TP63: variants seen among roughly 807,000 people sequenced by gnomAD.
The protein encoded by TP63 is tumor protein p63, also known as tumor protein 63.
TP63 carries 17 observed loss-of-function variants against 82.8 expected under a neutral mutation model. The observed-to-expected ratio is 0.21, with a 90% CI of 0.14 to 0.31. The LOEUF is 0.31. Among genes scored for constraint, TP63 ranks in the 10% least tolerant of loss-of-function variants. The pLI is 1.00. For synonymous variants in TP63, 330 were observed against 321.7 expected, an observed-to-expected ratio of 1.03 and a Z score of -0.28; for missense variants, 648 against 895.3, an observed-to-expected ratio of 0.72 and a Z score of 3.52.
At chr3:189,737,992 T>C in intron 2 of TP63, 124 bp downstream of exon 2, 1 of 1,139,370 alleles carries the variant, frequency 8.8e-7, no homozygotes, top group South Asian at 1.4e-5. Flanking sequence ...GAAAAGTTAA[T>C]GACTCCAATG....
At chr3:189,761,056 C>T (rs972552932) in intron 3 of TP63, among the ~76,000 whole-genome samples, 9 of 152,162 alleles carry the variant, frequency 5.9e-5, no homozygotes, top group South Asian at 2.1e-4. Flanking sequence ...CTGGGCTTGC[C>T]TATGAAAGCA....
intron 1 of TP63, among the ~76,000 whole-genome samples, chr3:189,708,933 A>G (rs533894411): frequency 6.6e-6 from 1 of 152,292 alleles, no homozygotes; most frequent in East Asian, 1.9e-4. Flanking sequence ...AAGAAATTTT[A>G]GAGTGTCAGT....
intron 13 of TP63, among the ~76,000 whole-genome samples, chr3:189,892,801 TAAAA>T (rs1456039000): frequency 6.6e-6 from 1 of 152,026 alleles, no homozygotes; most frequent in Non-Finnish European, 1.5e-5. Flanking sequence ...CAAAAAATAA[TAAAA>T]AAAGCTATGC....
In TP63 at chr3:189,648,591, A is replaced by G. The variant is rs1712617226; in HGVS notation, c.62+17014A>G. On this transcript the variant is annotated intron_variant, in intron 1 of 13. Transcript: ENST00000264731. ...AAATGAGTGAAAAACAAGCTTATTG[A>G]AAAAAAGAAACTTTTCTCTCTCATT... is the stretch of plus-strand genomic sequence containing the variant. 1.4e-5 allele frequency among the ~76,000 whole-genome samples: 2 copies of G among 147,450 alleles called. 1 individual carries two copies. The highest frequency in any genetic ancestry group is 4.4e-4 in the South Asian group (2 of 4,522).
chr3:189,741,591 A>G (rs1282750402), intron 3 of TP63, among the ~76,000 whole-genome samples: 1 of 152,258 alleles, frequency 6.6e-6, no homozygotes, highest in Admixed American at 6.5e-5. Context: ...TAAGGATTGT[A>G]GCCAAGCATT....
intron 1 of TP63, among the ~76,000 whole-genome samples, chr3:189,717,023 CCCAACCTCAGGTGATCTGCCCGCCTTGGG>C (rs1376306740): frequency 1.3e-5 from 2 of 152,162 alleles, no homozygotes; most frequent in Non-Finnish European, 2.9e-5. Flanking sequence ...GTCTAGAACT[CCCAACCTCAGGTGATCTGCCCGCCTTGGG>C]CTCCCAAAGT....
intron 4 of TP63, among the ~76,000 whole-genome samples, chr3:189,845,311 GA>G (rs1387438833): frequency 1.3e-5 from 2 of 152,200 alleles, no homozygotes; most frequent in Non-Finnish European, 2.9e-5. Context: ...AGATAACAGT[GA>G]AGTCCTCAAT....
intron 1 of TP63, among the ~76,000 whole-genome samples, chr3:189,655,450 C>A (rs1197555878): frequency 6.6e-6 from 1 of 152,050 alleles, no homozygotes; most frequent in Non-Finnish European, 1.5e-5. Flanking sequence ...CATGGCAAAA[C>A]CCCATCTCTA....
chr3:189,811,611 T>C (rs1271231318), intron 4 of TP63, among the ~76,000 whole-genome samples: 1 of 152,204 alleles, frequency 6.6e-6, no homozygotes, highest in Admixed American at 6.5e-5. Flanking sequence ...AAATTATATA[T>C]CCTCATGTTT....
chr3:189,773,218 G>T (rs1723505934), intron 3 of TP63, among the ~76,000 whole-genome samples: 1 of 152,200 alleles, frequency 6.6e-6, no homozygotes, highest in South Asian at 2.1e-4. Flanking sequence ...TACCAAGTAA[G>T]GCATTTACTG....
chr3:189,783,565 A>C (rs931659683), intron 3 of TP63, among the ~76,000 whole-genome samples: 1 of 151,916 alleles, frequency 6.6e-6, no homozygotes, highest in Non-Finnish European at 1.5e-5. Context: ...TATAATACTA[A>C]AAAGGAAAGC....
At chr3:189,636,607 C>CG (rs1729798017) in intron 1 of TP63, among the ~76,000 whole-genome samples, 1 of 152,102 alleles carries the variant, frequency 6.6e-6, no homozygotes, top group African/African-American at 2.4e-5. Flanking sequence ...TGGCATATTT[C>CG]GGGTCACAAA....
intron 3 of TP63, among the ~76,000 whole-genome samples, chr3:189,781,176 C>G (rs925122627): frequency 3.9e-5 from 6 of 152,118 alleles, no homozygotes; most frequent in Non-Finnish European, 8.8e-5. Context: ...AAAAGTGGAA[C>G]TTTAAAAAAT....
At chr3:189,641,006 C>T (rs1711813283) in intron 1 of TP63, among the ~76,000 whole-genome samples, 1 of 152,020 alleles carries the variant, frequency 6.6e-6, no homozygotes. Flanking sequence ...AATACCTAGC[C>T]TCTCTGAATT....
At chr3:189,812,231 T>C (rs958680948) in intron 4 of TP63, among the ~76,000 whole-genome samples, 1 of 152,230 alleles carries the variant, frequency 6.6e-6, no homozygotes, top group Non-Finnish European at 1.5e-5. Flanking sequence ...TGTGCATTTT[T>C]CCTTTGCGTT....
At chr3:189,639,394 G>T (rs568064117) in intron 1 of TP63, among the ~76,000 whole-genome samples, 17 of 152,030 alleles carry the variant, frequency 1.1e-4, no homozygotes, top group Non-Finnish European at 2.4e-4. Context: ...AACTTAGATT[G>T]TGGGAATTAA....
chr3:189,805,340 C>A (rs1474796872), intron 3 of TP63, among the ~76,000 whole-genome samples: 1 of 152,174 alleles, frequency 6.6e-6, no homozygotes, highest in African/African-American at 2.4e-5. Context: ...TTTAAAATTT[C>A]CCAGAAAGTA....
At chr3:189,797,698 A>C (rs922965352) in intron 3 of TP63, among the ~76,000 whole-genome samples, 23 of 152,206 alleles carry the variant, frequency 1.5e-4, no homozygotes, top group Admixed American at 1.5e-3. Flanking sequence ...AGAAACAGTA[A>C]CACTGGGTGA....
chr3:189,865,063 C>G (rs950289919), intron 5 of TP63, among the ~76,000 whole-genome samples: 1 of 151,916 alleles, frequency 6.6e-6, no homozygotes, highest in East Asian at 1.9e-4. Flanking sequence ...TACATGGTAG[C>G]TATTCTACTT....
Sources: allele counts gnomAD v4.1 joint callset (sites outside exome capture counted in the v4.1 genomes callset), GRCh38; gene constraint gnomAD v4.1.1; transcripts MANE v1.5; gene names NCBI Gene and HGNC (gene_info 2026-07-23, HGNC 2026-07-21).